Variants in KIF21A observed in about 807,000 individuals in gnomAD.
KIF21A encodes kinesin-like protein KIF21A.
Under a neutral mutation model 202.9 loss-of-function variants are expected in KIF21A, and 114 were observed. That is an observed-to-expected ratio of 0.56 (90% CI 0.48 to 0.66). The LOEUF (loss-of-function observed/expected upper bound fraction) is 0.66, where lower values mean the gene tolerates loss of function less well. Among genes scored for constraint, KIF21A ranks in the 30% least tolerant of loss-of-function variants. The pLI is 0.00. For synonymous variants in KIF21A, 667 were observed against 670.8 expected (o/e 0.99, Z 0.09); for missense variants, 1,677 against 1,994.9 (o/e 0.84, Z 3.04).
At chr12:39,316,745 G>T (rs1592102176) in intron 29 of KIF21A, among the ~76,000 whole-genome samples, 1 of 152,166 alleles carries the variant, frequency 6.6e-6, no homozygotes, top group African/African-American at 2.4e-5. Flanking sequence ...GCTTCAAAAA[G>T]GAGCCCCAGA....
rs1945409657 is a variant in KIF21A, at chr12:39,322,656, G to A, written c.3671+12C>T. On this transcript the variant is annotated intron_variant, in intron 27 of 37. Transcript: ENST00000361418. ...AAAAGAAAAGAAGTTAGTGTAGCTG[G>A]GCCAAACTTACATGCTGCCTATCTT... 6.2e-7 allele frequency: 1 copy of A among 1,610,182 alleles called. No homozygotes were observed. Among genetic ancestry groups the A allele is most frequent in the East Asian group, 2.2e-5 (1 of 44,864 alleles).
chr12:39,356,456 A>C (rs920720035), intron 10 of KIF21A: 3 of 165,624 alleles, frequency 1.8e-5, no homozygotes, highest in Non-Finnish European at 3.9e-5. Flanking sequence ...CAGGAGATTC[A>C]AAAAATTGGA....
chr12:39,323,154 T>C (rs1246334661), intron 26 of KIF21A, among the ~76,000 whole-genome samples: 4 of 152,032 alleles, frequency 2.6e-5, no homozygotes, highest in Non-Finnish European at 5.9e-5. Context: ...ATAGGTAATA[T>C]CATTATCTCA....
intron 34 of KIF21A, among the ~76,000 whole-genome samples, chr12:39,306,682 G>T (rs772184218): frequency 3.9e-5 from 6 of 152,126 alleles, no homozygotes; most frequent in Non-Finnish European, 7.3e-5. Context: ...TCCTGTAATA[G>T]CCTGTTTAAT....
At chr12:39,383,440 A>T (rs2139477526) in intron 1 of KIF21A, among the ~76,000 whole-genome samples, 1 of 152,378 alleles carries the variant, frequency 6.6e-6, no homozygotes, top group Admixed American at 6.5e-5. Flanking sequence ...AATGACAGAT[A>T]TTTGAGACTA....
At position 39,369,790 on chromosome 12, in the gene KIF21A, T is replaced by C. The variant is rs148456295; in HGVS notation, c.389A>G (p.His130Arg). 2.4e-5 allele frequency: 38 copies of C among 1,612,890 alleles called. No individual in the cohort carries two copies. The highest frequency in any genetic ancestry group is 3.1e-5 in the Non-Finnish European group (37 of 1,179,420). Residue 130 changes from histidine to arginine, a missense_variant, in exon 3 of 38, where the codon CAC (histidine) becomes CGC (arginine). Physicochemically the swap from His to Arg is conservative, Grantham distance 29. Coordinates refer to ENST00000361418, the MANE Select transcript of KIF21A (RefSeq NM_001173464.2). ...AGGAAGCCCATTTTTAATTGCTATG[T>C]GTTTTTTTTCTTCAATACTCTTAAA... The part of the protein sequence containing the change: ...HLFKSIEEKK[H>R]IAIKNGLPAP...
intron 28 of KIF21A, among the ~76,000 whole-genome samples, chr12:39,319,072 G>A (rs1043519999): frequency 6.6e-6 from 1 of 152,294 alleles, no homozygotes; most frequent in South Asian, 2.1e-4. Context: ...CAGGGTAGTG[G>A]ATGGTATAGA....
intron 37 of KIF21A, 54 bp from the exon 38 acceptor site, chr12:39,294,571 A>G (rs1281484175): frequency 7.0e-6 from 9 of 1,290,960 alleles, no homozygotes; most frequent in Middle Eastern, 3.7e-4. Flanking sequence ...AAAGATAAAG[A>G]AATAGCTCTT....
In KIF21A at chr12:39,390,078, G is replaced by A. The variant is rs536797367; in HGVS notation, c.45-19817C>T. Reference sequence around the variant, plus strand: ...ACACTACTTGCATCTCAGATTCATCGTTGTATCTCTTCTCCCATACACCTA... The same window carrying A: ...ACACTACTTGCATCTCAGATTCATCATTGTATCTCTTCTCCCATACACCTA... On this transcript the variant is annotated intron_variant, in intron 1 of 37. Transcript: ENST00000361418. Among the ~76,000 whole-genome samples the A allele has an allele frequency of 3.9e-5, 6 of 152,140 alleles. No homozygotes were observed. In the East Asian group the frequency reaches 5.8e-4, roughly 15 times the overall value.
In KIF21A at chr12:39,315,220, C is replaced by T. The variant is rs1944408232; in HGVS notation, c.3959+9G>A. On this transcript the variant is annotated intron_variant, in intron 31 of 37. Coordinates refer to ENST00000361418, the MANE Select transcript of KIF21A (RefSeq NM_001173464.2). Reference sequence around the variant, plus strand: ...ATGAAATTAATTTCCTCTCCCTTCCCCTGCCTACCTTCTGGAGGATCTGCT... The same window carrying T: ...ATGAAATTAATTTCCTCTCCCTTCCTCTGCCTACCTTCTGGAGGATCTGCT... 3 of 1,611,540 alleles carry T rather than the reference C, an allele frequency of 1.9e-6. No individual in the cohort carries two copies. Among genetic ancestry groups the T allele is most frequent in the South Asian group, 2.2e-5 (2 of 90,944 alleles).
intron 4 of KIF21A, among the ~76,000 whole-genome samples, chr12:39,367,473 C>T (rs540693454): frequency 7.9e-5 from 12 of 152,256 alleles, no homozygotes; most frequent in Non-Finnish European, 1.0e-4. Flanking sequence ...ATTATTCAGA[C>T]GCTTCTCTAT....
intron 34 of KIF21A, among the ~76,000 whole-genome samples, chr12:39,305,833 A>T (rs796148139): frequency 3.9e-5 from 6 of 152,366 alleles, no homozygotes; most frequent in African/African-American, 1.4e-4. Context: ...TTACAAAATC[A>T]GTAACAATAC....
At position 39,402,250 on chromosome 12, in the gene KIF21A, G is replaced by A. The variant is rs895209867; in HGVS notation, c.45-31989C>T. On this transcript the variant is annotated intron_variant, in intron 1 of 37. Coordinates refer to ENST00000361418, the MANE Select transcript of KIF21A (RefSeq NM_001173464.2). Reference sequence around the variant, plus strand: ...ATAACAGAATAGTGAAAATCTTTCTGAGCCACCACCACCACAACTTGGGTA... The same window carrying A: ...ATAACAGAATAGTGAAAATCTTTCTAAGCCACCACCACCACAACTTGGGTA... 4.8e-4 allele frequency among the ~76,000 whole-genome samples: 73 copies of A among 152,140 alleles called. 1 individual carries two copies. The highest frequency in any genetic ancestry group is 1.7e-3 in the African/African-American group (69 of 41,422).
At chr12:39,338,406 A>C (rs1453048702) in intron 16 of KIF21A, among the ~76,000 whole-genome samples, 1 of 152,222 alleles carries the variant, frequency 6.6e-6, no homozygotes, top group Non-Finnish European at 1.5e-5. Context: ...TAAAATAAAA[A>C]AAATTACAGT....
intron 23 of KIF21A, among the ~76,000 whole-genome samples, chr12:39,330,536 G>C (rs368093739): frequency 6.6e-6 from 1 of 152,140 alleles, no homozygotes; most frequent in East Asian, 1.9e-4. Context: ...GGTTAAGTAA[G>C]CCATTTTAAG....
rs796109528 is a variant in KIF21A, at chr12:39,416,733, A to G, written c.44+26194T>C. Among the ~76,000 whole-genome samples the G allele has an allele frequency of 1.4e-3, 151 of 104,756 alleles. 3 individuals are homozygous for G. The highest frequency in any genetic ancestry group is 5.9e-3 in the African/African-American group (129 of 21,746). The allele number at this position is 104,756 out of a possible 152,430, so 68.7% of individuals were successfully genotyped here. ...TATGTGTGTATATATGTACATATAT[A>G]TGTGTATATATATATGTACATATAT... On this transcript the variant is annotated intron_variant, in intron 1 of 37. Coordinates refer to ENST00000361418, the MANE Select transcript of KIF21A (RefSeq NM_001173464.2).
chr12:39,396,609 T>C (rs1951777660), intron 1 of KIF21A, among the ~76,000 whole-genome samples: 1 of 152,178 alleles, frequency 6.6e-6, no homozygotes, highest in South Asian at 2.1e-4. Context: ...TATTATATAA[T>C]AGAAATTGAG....
At chr12:39,430,221 C>T (rs1339071691) in intron 1 of KIF21A, among the ~76,000 whole-genome samples, 3 of 150,288 alleles carry the variant, frequency 2.0e-5, no homozygotes, top group African/African-American at 7.3e-5. Context: ...AAAATAAAAA[C>T]GTAAATAAAT....
intron 1 of KIF21A, among the ~76,000 whole-genome samples, chr12:39,392,513 G>A (rs370381770): frequency 2.0e-4 from 31 of 152,098 alleles, no homozygotes; most frequent in Admixed American, 3.3e-4. Flanking sequence ...ATAATCCAGT[G>A]GTCATTCCTT....
Sources: gnomAD v4.1 joint callset for allele counts (sites outside exome capture counted in the v4.1 genomes callset) on GRCh38, gnomAD v4.1.1 for gene constraint, MANE v1.5 for transcripts, NCBI Gene and HGNC (gene_info 2026-07-23, HGNC 2026-07-21) for gene names.